The following BCKDHB variants were observed in gnomAD, a reference collection of about 807,000 sequenced individuals.
BCKDHB encodes the protein 2-oxoisovalerate dehydrogenase subunit beta, mitochondrial.
A neutral mutation model predicts 48.5 loss-of-function variants in BCKDHB; 41 were observed. The observed-to-expected ratio is 0.85, with a 90% confidence interval of 0.66 to 1.10. The LOEUF is 1.10. Ranked by LOEUF, BCKDHB falls within the 50% of genes least tolerant of loss-of-function variation. The pLI, the probability that BCKDHB is intolerant of heterozygous loss-of-function variation, is 0.00. For missense variants in BCKDHB, 496 were observed against 494.2 expected (o/e 1.00, Z -0.03); for synonymous variants, 201 against 174.8 (o/e 1.15, Z -1.18).
chr6:80,263,090 T>A (rs1441807344), intron 8 of BCKDHB, among the ~76,000 whole-genome samples: 1 of 152,212 alleles, frequency 6.6e-6, no homozygotes, highest in African/African-American at 2.4e-5. Flanking sequence ...GAACTATTAT[T>A]ATTGTATCTT....
the BCKDHB span, chr6:80,466,007 A>C: frequency 6.6e-6 from 1 of 152,226 alleles, no homozygotes; most frequent in Non-Finnish European, 1.5e-5. Flanking sequence ...GGAGAGTTTT[A>C]AAAGGATATG....
chr6:80,271,463 A>G (rs1777737846), intron 8 of BCKDHB, among the ~76,000 whole-genome samples: 1 of 152,140 alleles, frequency 6.6e-6, no homozygotes. Flanking sequence ...CCATCTGCAT[A>G]GGCTATAGGA....
intron 2 of BCKDHB, among the ~76,000 whole-genome samples, chr6:80,128,756 A>G (rs1770470238): frequency 6.6e-6 from 1 of 152,182 alleles, no homozygotes; most frequent in Non-Finnish European, 1.5e-5. Flanking sequence ...TCATGGATAA[A>G]ACAAATGAGA....
the BCKDHB span, among the ~76,000 whole-genome samples, chr6:80,401,693 T>C: frequency 1.3e-5 from 2 of 151,852 alleles, no homozygotes; most frequent in African/African-American, 2.4e-5. Context: ...ATTTATCTTA[T>C]ATAACTAAAA....
At chr6:80,259,731 TGTAAA>T (rs1186022567) in intron 8 of BCKDHB, among the ~76,000 whole-genome samples, 1 of 152,208 alleles carries the variant, frequency 6.6e-6, no homozygotes, top group East Asian at 1.9e-4. Context: ...AAAGGAATAC[TGTAAA>T]GTAGATTCAA....
At chr6:80,133,694 G>A (rs1334645739) in intron 3 of BCKDHB, among the ~76,000 whole-genome samples, 1 of 151,908 alleles carries the variant, frequency 6.6e-6, no homozygotes, top group African/African-American at 2.4e-5. Flanking sequence ...CCAGGCTGGA[G>A]TGCAGTAATG....
intron 8 of BCKDHB, among the ~76,000 whole-genome samples, chr6:80,240,032 AGC>A (rs1776314158): frequency 6.6e-6 from 1 of 152,202 alleles, no homozygotes; most frequent in Non-Finnish European, 1.5e-5. Context: ...GAAGTCAGGT[AGC>A]ATGATGCCTC....
chr6:80,164,006 A>G (rs537274410), intron 3 of BCKDHB, among the ~76,000 whole-genome samples: 16 of 152,304 alleles, frequency 1.1e-4, no homozygotes, highest in South Asian at 2.1e-4. Flanking sequence ...CAGATAATCA[A>G]TCTTGCTGTG....
chr6:80,133,408 T>A (rs1770728057), intron 3 of BCKDHB, among the ~76,000 whole-genome samples: 1 of 152,228 alleles, frequency 6.6e-6, no homozygotes, highest in African/African-American at 2.4e-5. Context: ...CTTCTCTTCC[T>A]TGTCCTTTGA....
chr6:80,215,876 GA>G (rs2127849727), intron 8 of BCKDHB, among the ~76,000 whole-genome samples: 1 of 152,224 alleles, frequency 6.6e-6, no homozygotes, highest in African/African-American at 2.4e-5. Context: ...TGAGTAGCTG[GA>G]ACTACAGGCG....
chr6:80,416,064 G>A, the BCKDHB span, among the ~76,000 whole-genome samples: 1 of 151,786 alleles, frequency 6.6e-6, no homozygotes, highest in African/African-American at 2.4e-5. Flanking sequence ...CTGCGTAGAG[G>A]TGTTCATGAT....
the BCKDHB span, among the ~76,000 whole-genome samples, chr6:80,425,143 T>A: frequency 6.6e-6 from 1 of 152,198 alleles, no homozygotes; most frequent in Non-Finnish European, 1.5e-5. Context: ...GACTTTACAC[T>A]AATTTGCCAC....
the BCKDHB span, among the ~76,000 whole-genome samples, chr6:80,447,444 TAC>T: frequency 3.7e-5 from 4 of 107,824 alleles, no homozygotes; most frequent in African/African-American, 1.1e-4. Context: ...GACAAATATA[TAC>T]AGTTATATAT....
intron 3 of BCKDHB, among the ~76,000 whole-genome samples, chr6:80,161,665 CT>C (rs1477531898): frequency 1.3e-5 from 2 of 152,200 alleles, no homozygotes; most frequent in Admixed American, 6.5e-5. Flanking sequence ...CATGGATGGT[CT>C]TTTCAATATT....
At chr6:80,391,190 T>TGTGTGTGG in the BCKDHB span, among the ~76,000 whole-genome samples, 5 of 151,810 alleles carry the variant, frequency 3.3e-5, no homozygotes, top group African/African-American at 1.2e-4. Flanking sequence ...TGTGTGTGTG[T>TGTGTGTGG]GTGTGTGTCT....
intron 8 of BCKDHB, among the ~76,000 whole-genome samples, chr6:80,220,734 C>CTTTTTTTTT (rs67235328): frequency 1.6e-5 from 2 of 121,954 alleles, no homozygotes; most frequent in African/African-American, 3.0e-5. Flanking sequence ...TTTTCTTTTT[C>CTTTTTTTTT]TTTTTTTTTT....
chr6:80,436,529 T>C, the BCKDHB span, among the ~76,000 whole-genome samples: 1 of 152,206 alleles, frequency 6.6e-6, no homozygotes, highest in Non-Finnish European at 1.5e-5. Context: ...ATGCATGTAC[T>C]GTTGTTTTTA....
At chr6:80,273,993 T>A (rs1777863556) in intron 9 of BCKDHB, among the ~76,000 whole-genome samples, 1 of 152,032 alleles carries the variant, frequency 6.6e-6, no homozygotes, top group African/African-American at 2.4e-5. Flanking sequence ...ATCTTCGCAG[T>A]TTGCAAACAC....
chr6:80,250,579 C>T (rs1776798380), intron 8 of BCKDHB, among the ~76,000 whole-genome samples: 1 of 152,070 alleles, frequency 6.6e-6, no homozygotes, highest in African/African-American at 2.4e-5. Flanking sequence ...AGGTGGGAGG[C>T]CTCCTCTGTG....
Sources: allele counts gnomAD v4.1 joint callset (sites outside exome capture counted in the v4.1 genomes callset), GRCh38; gene constraint gnomAD v4.1.1; transcripts MANE v1.5; gene names NCBI Gene and HGNC (gene_info 2026-07-23, HGNC 2026-07-21).